The following MTCH1 variants were observed in gnomAD, a reference collection of about 807,000 sequenced individuals.
MTCH1 encodes the protein mitochondrial carrier homolog 1.
MTCH1 carries 23 observed loss-of-function variants against 49.3 expected under a neutral mutation model. The observed-to-expected ratio is 0.47, with a 90% CI of 0.34 to 0.66. The LOEUF (loss-of-function observed/expected upper bound fraction) is 0.66, where lower values mean the gene tolerates loss of function less well. Among genes scored for constraint, MTCH1 ranks in the 30% least tolerant of loss-of-function variants. The pLI, the probability that MTCH1 is intolerant of heterozygous loss-of-function variation, is 0.01. For synonymous variants in MTCH1, 229 were observed against 215.2 expected, an observed-to-expected ratio of 1.06 and a Z score of -0.56; for missense variants, 397 against 532.1, an observed-to-expected ratio of 0.75 and a Z score of 2.50.
chr6:36,986,358 G>C (rs1764321744), upstream of MTCH1: 1 of 477,304 alleles, frequency 2.1e-6, no homozygotes, highest in Non-Finnish European at 3.3e-6. Context: ...ACTGGGCTGC[G>C]GGCCGGGGGT....
intron 11 of MTCH1, chr6:36,969,712 G>A: frequency 8.1e-7 from 1 of 1,231,894 alleles, no homozygotes; most frequent in Non-Finnish European, 1.0e-6. Context: ...CATGTTACTT[G>A]AAGGAGAAGC....
intron 9 of MTCH1, 29 bp from the exon 10 acceptor site, chr6:36,970,502 T>A (rs1222878709): frequency 6.2e-7 from 1 of 1,613,358 alleles, no homozygotes; most frequent in East Asian, 2.2e-5. Flanking sequence ...TGAGTGCCAG[T>A]GACCCACCCC....
chr6:36,971,215 G>A (rs1763673581), intron 8 of MTCH1, among the ~76,000 whole-genome samples: 1 of 152,212 alleles, frequency 6.6e-6, no homozygotes, highest in Non-Finnish European at 1.5e-5. Context: ...CTGTGGAGCG[G>A]CCATCCCACC....
Position 36,982,366 on chromosome 6 carries a change from T to C in MTCH1, c.322-694A>G, listed in dbSNP as rs918566910. Among the ~76,000 whole-genome samples, 2 of 151,930 alleles carry C rather than the reference T, an allele frequency of 1.3e-5. No homozygotes were observed. The highest frequency in any genetic ancestry group is 4.8e-5 in the African/African-American group (2 of 41,254). On this transcript the variant is annotated intron_variant, in intron 1 of 11. Coordinates refer to ENST00000373627, the MANE Select transcript of MTCH1 (RefSeq NM_001271641.2). The surrounding 1 kb of genome is among the most constrained non-coding windows in gnomAD (Gnocchi z 4.1). ...TTGCTGTACAGATGCTTCTTATATC[T>C]GAAATATTTATTTATTTATTTTTTT...
intron 8 of MTCH1, chr6:36,970,981 G>C (rs1161888865): frequency 7.8e-5 from 39 of 501,644 alleles, no homozygotes; most frequent in South Asian, 7.1e-4. Flanking sequence ...GTGTCTGCCT[G>C]ATCAACATCC....
chr6:36,978,374 C>A (rs1763966112), intron 3 of MTCH1, 131 bp downstream of exon 3: 1 of 970,346 alleles, frequency 1.0e-6, no homozygotes, highest in South Asian at 1.6e-5. Flanking sequence ...GGGAGCTCCC[C>A]CATGGGGCTG....
chr6:36,978,162 CAG>C lies in MTCH1; in HGVS notation c.514-9_514-8del, dbSNP rs201879830. 12,769 of 1,609,804 alleles carry C rather than the reference CAG, an allele frequency of 7.9e-3. 318 individuals carry two copies. In the Admixed American group the frequency reaches 0.085, roughly 11 times the overall value. ...TCTCATCTGGAGGGAAAACCTGAAA[CAG>C]AGAAGGGAAAGAACCAAGTTCAGCT... On this transcript the variant is annotated splice_region_variant and splice_polypyrimidine_tract_variant and intron_variant, in intron 3 of 11. Coordinates refer to ENST00000373627, the MANE Select transcript of MTCH1 (RefSeq NM_001271641.2).
Position 36,968,551 on chromosome 6 carries a change from G to A in MTCH1, c.*352C>T, listed in dbSNP as rs1208133590. The A allele has an allele frequency of 1.1e-5, 4 of 375,932 alleles. No individual in the cohort carries two copies. The highest frequency in any genetic ancestry group is 6.1e-5 in the South Asian group (3 of 49,068). 23.3% of individuals were successfully genotyped at this position (375,932 alleles called of 1,614,324 possible). A position where few individuals can be genotyped will look rare whatever the true frequency, so the allele number is the denominator to read the frequency against. On this transcript the variant is annotated 3_prime_UTR_variant, in exon 12 of 12. Transcript: ENST00000373627. Reference sequence around the variant, plus strand: ...TGGGCTGACTGGAGGGGTAGACGGGGTGGGGTCTGACCCCATTAGCCTTTC... The same window carrying A: ...TGGGCTGACTGGAGGGGTAGACGGGATGGGGTCTGACCCCATTAGCCTTTC...
At chr6:36,969,286 C>G (rs1763588162) in intron 11 of MTCH1, 1 of 985,294 alleles carries the variant, frequency 1.0e-6, no homozygotes, top group Non-Finnish European at 1.2e-6. Flanking sequence ...GAGGACGAGA[C>G]ACACTCACGC....
intron 11 of MTCH1, chr6:36,969,677 G>A: frequency 8.3e-7 from 1 of 1,205,630 alleles, no homozygotes; most frequent in Non-Finnish European, 1.0e-6. Flanking sequence ...CAGCTCAACT[G>A]GTTACAGACC....
Position 36,978,492 on chromosome 6 carries a change from T to C in MTCH1, c.513+13A>G, listed in dbSNP as rs1025935587. 1 of 1,612,998 alleles carries C rather than the reference T, an allele frequency of 6.2e-7. No individual in the cohort carries two copies. The highest frequency in any genetic ancestry group is 1.3e-5 in the African/African-American group (1 of 74,890). On this transcript the variant is annotated intron_variant, in intron 3 of 11. Coordinates refer to ENST00000373627, the MANE Select transcript of MTCH1 (RefSeq NM_001271641.2). ...AACCTCGGGCGACTGTTCCTGGCTT[T>C]GTGTGGGCTCACCTTCTTCATGCTA...
chr6:36,985,706 ATC>A, intron 1 of MTCH1, 145 bp downstream of exon 1: 3 of 228,062 alleles, frequency 1.3e-5, no homozygotes, highest in Non-Finnish European at 2.7e-5. Flanking sequence ...CTTCCCTCCC[ATC>A]CCACCCACTC....
rs1200929017 is a variant in MTCH1 at position 36,985,249 on chromosome 6, G to A, written c.321+604C>T. Among the ~76,000 whole-genome samples the A allele has an allele frequency of 2.0e-5, 3 of 152,154 alleles. No individual in the cohort carries two copies. The East Asian group carries it at 5.8e-4, about 29-fold the overall frequency. ...GCAACCCAAGACCTCCGTCTCCTCT[G>A]TCCACCCCCAGTCTGGTGTCCTTCT... On this transcript the variant is annotated intron_variant, in intron 1 of 11. Transcript: ENST00000373627.
rs1042987 is a variant in MTCH1, at chr6:36,968,864, G to T, written c.*39C>A. The T allele has an allele frequency of 6.2e-7, 1 of 1,613,102 alleles. No individual in the cohort carries two copies. Among genetic ancestry groups the T allele is most frequent in the Non-Finnish European group, 8.5e-7 (1 of 1,179,330 alleles). On this transcript the variant is annotated 3_prime_UTR_variant, in exon 12 of 12. Coordinates refer to ENST00000373627, the MANE Select transcript of MTCH1 (RefSeq NM_001271641.2). ...CCCAAGGTGGTCAGGCCTCACCCAC[G>T]GTGGCCAGGTTGAGACCGTGTTTTT...
intron 2 of MTCH1, among the ~76,000 whole-genome samples, chr6:36,981,187 AG>A: frequency 1.3e-5 from 2 of 152,280 alleles, no homozygotes; most frequent in Admixed American, 1.3e-4. Flanking sequence ...AAAACTCAAG[AG>A]GACCCCCCGG....
In MTCH1 at chr6:36,981,528, T is replaced by G. The variant is rs925562326; in HGVS notation, c.406+60A>C. On this transcript the variant is annotated intron_variant, in intron 2 of 11. Transcript: ENST00000373627. ...GTTCCCCGGGGCCAGCTGGTCCTGC[T>G]CCCCACCTGAGGCCTCTTTTCTGTT... 7.5e-5 allele frequency: 114 copies of G among 1,530,108 alleles called. 2 individuals are homozygous for G. In the Middle Eastern group the frequency reaches 8.5e-4, roughly 11 times the overall value. 94.8% of individuals were successfully genotyped at this position (1,530,108 alleles called of 1,614,324 possible). A position where few individuals can be genotyped will look rare whatever the true frequency, so the allele number is the denominator to read the frequency against.
Position 36,977,327 on chromosome 6 carries a change from G to C in MTCH1, c.650-77C>G. The C allele has an allele frequency of 6.6e-7, 1 of 1,504,204 alleles. No homozygotes were observed. The highest frequency in any genetic ancestry group is 9.2e-7 in the Non-Finnish European group (1 of 1,086,216). The allele number at this position is 1,504,204 out of a possible 1,614,324, so 93.2% of individuals were successfully genotyped here. On this transcript the variant is annotated intron_variant, in intron 5 of 11. Transcript: ENST00000373627. The surrounding 1 kb of genome is among the most constrained non-coding windows in gnomAD (Gnocchi z 5.4). Reference sequence around the variant, plus strand: ...TAATGCTCCAGCCACCGGGTGCCAGGTGCAGAGTGGCCACTGAACAACGTG... The same window carrying C: ...TAATGCTCCAGCCACCGGGTGCCAGCTGCAGAGTGGCCACTGAACAACGTG...
At chr6:36,969,527 A>G (rs1423007033) in intron 11 of MTCH1, 1 of 1,129,588 alleles carries the variant, frequency 8.9e-7, no homozygotes. Context: ...TTCGGTACAG[A>G]ACACGAGAAC....
At chr6:36,978,962 A>G (rs2150750854) in intron 2 of MTCH1, among the ~76,000 whole-genome samples, 1 of 148,402 alleles carries the variant, frequency 6.7e-6, no homozygotes, top group African/African-American at 2.5e-5. Context: ...TAAATGCTGC[A>G]ACACAGAAAA....
Sources: gnomAD v4.1 joint callset for allele counts (sites outside exome capture counted in the v4.1 genomes callset) on GRCh38, gnomAD v4.1.1 for gene constraint, Gnocchi (gnomAD v3.1) non-coding constraint, MANE v1.5 for transcripts, NCBI Gene and HGNC (gene_info 2026-07-23, HGNC 2026-07-21) for gene names.